RAB27B: variants seen among roughly 807,000 people sequenced by gnomAD.
RAB27B encodes the protein RAB27B, member RAS oncogene family.
Under a neutral mutation model 24.6 loss-of-function variants are expected in RAB27B, and 15 were observed. The observed-to-expected ratio is 0.61, with a 90% CI of 0.41 to 0.94. The LOEUF is 0.94. Ranked by LOEUF, RAB27B falls within the 40% of genes least tolerant of loss-of-function variation. The pLI is 0.00. For missense variants in RAB27B, 261 were observed against 266.8 expected, an observed-to-expected ratio of 0.98 and a Z score of 0.15; for synonymous variants, 105 against 92.5, an observed-to-expected ratio of 1.14 and a Z score of -0.78.
intron 2 of RAB27B, among the ~76,000 whole-genome samples, chr18:54,743,514 G>A (rs939239729): frequency 6.6e-6 from 1 of 152,146 alleles, no homozygotes; most frequent in Admixed American, 6.5e-5. Context: ...AGTCCATGTG[G>A]AACTTAGGCA....
At chr18:54,858,593 C>T (rs1453685979) in intron 1 of RAB27B, among the ~76,000 whole-genome samples, 1 of 151,962 alleles carries the variant, frequency 6.6e-6, no homozygotes, top group African/African-American at 2.4e-5. Context: ...CGGGTTTCAC[C>T]GTGTTAGCCA....
upstream of RAB27B, among the ~76,000 whole-genome samples, chr18:54,825,877 G>C (rs1192240085): frequency 6.6e-6 from 1 of 152,186 alleles, no homozygotes; most frequent in Non-Finnish European, 1.5e-5. Flanking sequence ...TCTATGCTGA[G>C]ATTTCTGCCT....
rs891626440 is a variant in RAB27B at position 54,730,971 on chromosome 18, C to T, written c.-20+12830C>T. Among the ~76,000 whole-genome samples, 6 of 152,202 alleles carry T rather than the reference C, an allele frequency of 3.9e-5. No homozygotes were observed. In the East Asian group the frequency reaches 1.2e-3, roughly 29 times the overall value. ...CTAGAATTGGGATAAAACACATTGTCATTTTTGCTACTGAAGTAATAGTCA... is the reference window on the plus strand; with the variant it reads ...CTAGAATTGGGATAAAACACATTGTTATTTTTGCTACTGAAGTAATAGTCA... On this transcript the variant is annotated intron_variant, in intron 2 of 4. Coordinates refer to the RAB27B transcript ENST00000586570.
intron 1 of RAB27B, among the ~76,000 whole-genome samples, chr18:54,875,766 G>A (rs1912671184): frequency 6.6e-6 from 1 of 151,952 alleles, no homozygotes; most frequent in Admixed American, 6.6e-5. Flanking sequence ...TAATGATACT[G>A]GATTATTTGA....
At chr18:54,852,689 A>T (rs1911633754) in intron 1 of RAB27B, among the ~76,000 whole-genome samples, 1 of 152,212 alleles carries the variant, frequency 6.6e-6, no homozygotes, top group Non-Finnish European at 1.5e-5. Flanking sequence ...AAATAGTTGA[A>T]AGGATATAAT....
chr18:54,822,412 G>A (rs1232017185), intron 2 of RAB27B, among the ~76,000 whole-genome samples: 2 of 152,148 alleles, frequency 1.3e-5, no homozygotes, highest in Admixed American at 1.3e-4. Context: ...AAAAACACTG[G>A]TTTTAGGTAA....
intron 2 of RAB27B, among the ~76,000 whole-genome samples, chr18:54,738,579 C>T (rs1909972211): frequency 6.6e-6 from 1 of 152,136 alleles, no homozygotes; most frequent in Non-Finnish European, 1.5e-5. Context: ...GTCAATTAAA[C>T]CCCTTTCTTT....
chr18:54,870,876 T>C (rs368549911), intron 1 of RAB27B, among the ~76,000 whole-genome samples: 4 of 152,278 alleles, frequency 2.6e-5, no homozygotes, highest in African/African-American at 4.8e-5. Context: ...TGGAGAGTTA[T>C]AGGGCAGATG....
intron 2 of RAB27B, among the ~76,000 whole-genome samples, chr18:54,771,802 C>G (rs1908560963): frequency 6.6e-6 from 1 of 151,964 alleles, no homozygotes; most frequent in South Asian, 2.1e-4. Context: ...TCAGTTTTTC[C>G]AAAATCATTA....
chr18:54,774,045 TC>T (rs1382400923), intron 2 of RAB27B, among the ~76,000 whole-genome samples: 5 of 152,304 alleles, frequency 3.3e-5, no homozygotes. Context: ...CTATTTTTTT[TC>T]CTATTATTGT....
intron 2 of RAB27B, among the ~76,000 whole-genome samples, chr18:54,758,356 G>C (rs1908071767): frequency 6.6e-6 from 1 of 152,100 alleles, no homozygotes; most frequent in Non-Finnish European, 1.5e-5. Flanking sequence ...TATGAAGAAA[G>C]GCCGTAGAAA....
intron 2 of RAB27B, among the ~76,000 whole-genome samples, chr18:54,799,091 C>T (rs1484688377): frequency 6.6e-6 from 1 of 152,072 alleles, no homozygotes. Context: ...TTAGGCTATG[C>T]TTAGAACGAG....
At chr18:54,871,001 A>G (rs1182505932) in intron 1 of RAB27B, among the ~76,000 whole-genome samples, 1 of 152,220 alleles carries the variant, frequency 6.6e-6, no homozygotes, top group East Asian at 1.9e-4. Context: ...GAATATTCAT[A>G]TAGTTTCAAA....
intron 2 of RAB27B, among the ~76,000 whole-genome samples, chr18:54,733,593 G>A (rs993420220): frequency 8.8e-5 from 13 of 147,474 alleles, no homozygotes; most frequent in African/African-American, 1.2e-4. Flanking sequence ...AAAACATTCC[G>A]TCCACTAGAT....
At chr18:54,872,581 C>T (rs895435446) in intron 1 of RAB27B, among the ~76,000 whole-genome samples, 4 of 149,244 alleles carry the variant, frequency 2.7e-5, no homozygotes, top group East Asian at 4.0e-4. Context: ...GCTGAGATGG[C>T]GCCATTGCAC....
Position 54,766,017 on chromosome 18 carries a change from A to T in RAB27B, c.-20+47876A>T, listed in dbSNP as rs546373228. Among the ~76,000 whole-genome samples, 3 of 152,244 alleles carry T rather than the reference A, an allele frequency of 2.0e-5. No individual in the cohort carries two copies. The South Asian group carries it at 6.2e-4, about 32-fold the overall frequency. On this transcript the variant is annotated intron_variant, in intron 2 of 4. Coordinates refer to the RAB27B transcript ENST00000586570. ...TTCTAGAAGAAATTATAGATTTCCA[A>T]ATTTATTTTGAAAACACCAACTTTT...
intron 2 of RAB27B, among the ~76,000 whole-genome samples, chr18:54,801,800 G>C (rs1335127521): frequency 6.6e-6 from 1 of 152,188 alleles, no homozygotes; most frequent in Non-Finnish European, 1.5e-5. Context: ...TGGGACCTTT[G>C]ATCTAGATTT....
chr18:54,779,207 C>A (rs906783329), intron 2 of RAB27B, among the ~76,000 whole-genome samples: 1 of 152,090 alleles, frequency 6.6e-6, no homozygotes, highest in Non-Finnish European at 1.5e-5. Context: ...TTTTAAATAG[C>A]GGTTATTTCT....
At chr18:54,791,316 G>A (rs750488118) in intron 2 of RAB27B, among the ~76,000 whole-genome samples, 1 of 152,212 alleles carries the variant, frequency 6.6e-6, no homozygotes, top group African/African-American at 2.4e-5. Context: ...GCTTATGCCT[G>A]TAATCTTAGC....
Sources: allele counts gnomAD v4.1 joint callset (sites outside exome capture counted in the v4.1 genomes callset), GRCh38; gene constraint gnomAD v4.1.1; transcripts MANE v1.5; gene names NCBI Gene and HGNC (gene_info 2026-07-23, HGNC 2026-07-21).